IMMP2L: variants seen among roughly 807,000 people sequenced by gnomAD.
IMMP2L encodes the protein inner mitochondrial membrane peptidase subunit 2.
IMMP2L carries 18 observed loss-of-function variants against 19.3 expected under a neutral mutation model. That is an observed-to-expected ratio of 0.93 (90% CI 0.64 to 1.38). The LOEUF is 1.38. IMMP2L is among the 40% of genes most tolerant of loss of function. The pLI, the probability that IMMP2L is intolerant of heterozygous loss-of-function variation, is 0.00. For synonymous variants in IMMP2L, 76 were observed against 73.0 expected (o/e 1.04, Z -0.21); for missense variants, 233 against 218.2 (o/e 1.07, Z -0.43).
intron 5 of IMMP2L, among the ~76,000 whole-genome samples, chr7:110,811,933 T>C (rs1251777714): frequency 6.6e-6 from 1 of 152,014 alleles, no homozygotes; most frequent in African/African-American, 2.4e-5. Flanking sequence ...GCATATGACC[T>C]AAGCCATTCA....
chr7:110,690,514 C>T (rs1321702069), intron 5 of IMMP2L, among the ~76,000 whole-genome samples: 1 of 152,100 alleles, frequency 6.6e-6, no homozygotes, highest in Non-Finnish European at 1.5e-5. Flanking sequence ...GAAAGTCAGA[C>T]TATCTCTATT....
chr7:111,141,781 G>T (rs886540841), intron 3 of IMMP2L, among the ~76,000 whole-genome samples: 1 of 152,114 alleles, frequency 6.6e-6, no homozygotes, highest in East Asian at 1.9e-4. Context: ...GTCCAGGCTG[G>T]TCTCAAAATG....
chr7:110,935,728 C>T (rs937094970), intron 4 of IMMP2L, among the ~76,000 whole-genome samples: 16 of 152,010 alleles, frequency 1.1e-4, no homozygotes, highest in Non-Finnish European at 1.8e-4. Flanking sequence ...CCAAAAAGGG[C>T]ACATACAGCT....
intron 3 of IMMP2L, among the ~76,000 whole-genome samples, chr7:111,013,624 C>T (rs1825202014): frequency 6.6e-6 from 1 of 152,124 alleles, no homozygotes; most frequent in Admixed American, 6.6e-5. Context: ...ACAGGCATCA[C>T]TCCAAACTAA....
intron 5 of IMMP2L, among the ~76,000 whole-genome samples, chr7:110,854,471 T>C (rs1806547259): frequency 6.6e-6 from 1 of 151,870 alleles, no homozygotes. Context: ...TTTCACTCTG[T>C]CAAAAAAATA....
chr7:110,863,169 G>A (rs745401627), intron 5 of IMMP2L, among the ~76,000 whole-genome samples: 3 of 152,086 alleles, frequency 2.0e-5, no homozygotes, highest in African/African-American at 2.4e-5. Flanking sequence ...ACCCTCCACA[G>A]CTCTTGTCAA....
chr7:111,327,372 C>A (rs1584643311), intron 3 of IMMP2L, among the ~76,000 whole-genome samples: 1 of 151,790 alleles, frequency 6.6e-6, no homozygotes, highest in East Asian at 1.9e-4. Context: ...TGTTCACTCA[C>A]ATAGATCATT....
At chr7:111,206,782 T>G (rs1238202593) in intron 3 of IMMP2L, among the ~76,000 whole-genome samples, 1 of 152,140 alleles carries the variant, frequency 6.6e-6, no homozygotes, top group Non-Finnish European at 1.5e-5. Context: ...AATATATACT[T>G]AGAAGCTTAT....
At chr7:111,165,202 C>T (rs1395737737) in intron 3 of IMMP2L, among the ~76,000 whole-genome samples, 3 of 152,060 alleles carry the variant, frequency 2.0e-5, no homozygotes, top group African/African-American at 4.8e-5. Context: ...GCTCATTTCA[C>T]TTGGCATAAT....
chr7:110,819,400 T>C (rs1584929618), intron 5 of IMMP2L, among the ~76,000 whole-genome samples: 1 of 152,038 alleles, frequency 6.6e-6, no homozygotes, highest in Non-Finnish European at 1.5e-5. Context: ...GTGATGCATA[T>C]ATTTTGGCTG....
intron 5 of IMMP2L, among the ~76,000 whole-genome samples, chr7:110,703,570 T>C (rs1794438968): frequency 6.6e-6 from 1 of 152,176 alleles, no homozygotes; most frequent in Non-Finnish European, 1.5e-5. Flanking sequence ...TATTTTAAAA[T>C]AGATAAATAT....
At chr7:110,958,384 G>A (rs1375934554) in intron 4 of IMMP2L, among the ~76,000 whole-genome samples, 1 of 151,994 alleles carries the variant, frequency 6.6e-6, no homozygotes, top group Non-Finnish European at 1.5e-5. Context: ...GTGCAAGGAT[G>A]TTCATTAAAG....
chr7:111,336,349 A>G (rs1764279526), intron 3 of IMMP2L, among the ~76,000 whole-genome samples: 1 of 151,776 alleles, frequency 6.6e-6, no homozygotes, highest in African/African-American at 2.4e-5. Context: ...CCACCACACC[A>G]GGCCTTATTT....
At chr7:110,934,292 G>A (rs557363161) in intron 4 of IMMP2L, among the ~76,000 whole-genome samples, 2 of 152,178 alleles carry the variant, frequency 1.3e-5, no homozygotes. Flanking sequence ...GTGTGATGTG[G>A]TGCTGAGAAG....
rs371784012 is a variant in IMMP2L, at chr7:110,699,967, T to C, written c.409-36246A>G. 3.3e-5 allele frequency among the ~76,000 whole-genome samples: 5 copies of C among 152,226 alleles called. No individual in the cohort carries two copies. The East Asian group carries it at 9.7e-4, about 30-fold the overall frequency. ...ACTGTAAAAAGCCAGGGCCCTCTCT[T>C]ATACAGTCCATAGCCCCAAAGAAAT... On this transcript the variant is annotated intron_variant, in intron 5 of 5. Transcript: ENST00000405709.
intron 3 of IMMP2L, among the ~76,000 whole-genome samples, chr7:111,193,100 CAG>C (rs1809075680): frequency 6.6e-6 from 1 of 152,038 alleles, no homozygotes; most frequent in African/African-American, 2.4e-5. Context: ...CATGGGAGAA[CAG>C]AGAGAAAGGA....
At chr7:111,400,542 G>A (rs1833325062) in intron 3 of IMMP2L, among the ~76,000 whole-genome samples, 2 of 151,898 alleles carry the variant, frequency 1.3e-5, no homozygotes, top group South Asian at 2.1e-4. Context: ...CTACCCCACT[G>A]TCCATTTAAA....
At chr7:111,260,765 T>C (rs1049426853) in intron 3 of IMMP2L, among the ~76,000 whole-genome samples, 2 of 152,084 alleles carry the variant, frequency 1.3e-5, no homozygotes, top group Non-Finnish European at 2.9e-5. Flanking sequence ...GAAACAGGTA[T>C]TAAAAATTAC....
chr7:111,224,700 A>G (rs2034177670), intron 3 of IMMP2L, among the ~76,000 whole-genome samples: 1 of 152,122 alleles, frequency 6.6e-6, no homozygotes, highest in Non-Finnish European at 1.5e-5. Context: ...AATTATTTTC[A>G]TAATGATATT....
Sources: allele counts gnomAD v4.1 joint callset (sites outside exome capture counted in the v4.1 genomes callset), GRCh38; gene constraint gnomAD v4.1.1; transcripts MANE v1.5; gene names NCBI Gene and HGNC (gene_info 2026-07-23, HGNC 2026-07-21).